KREMEN1: variants seen among roughly 807,000 people sequenced by gnomAD.
The protein encoded by KREMEN1 is kremen protein 1.
In KREMEN1, 30 loss-of-function variants were observed where a neutral mutation model predicts 46.5. The ratio of observed to expected loss-of-function variants is 0.65; its 90% CI spans 0.48 to 0.88. KREMEN1 has a LOEUF of 0.88. Ranked by LOEUF, KREMEN1 falls within the 40% of genes least tolerant of loss-of-function variation. The pLI is 0.00. For missense variants in KREMEN1, 533 were observed against 596.9 expected, an observed-to-expected ratio of 0.89 and a Z score of 1.11; for synonymous variants, 214 against 230.6, an observed-to-expected ratio of 0.93 and a Z score of 0.65.
intron 9 of KREMEN1, among the ~76,000 whole-genome samples, chr22:29,160,696 C>G (rs905181988): frequency 2.0e-5 from 3 of 151,904 alleles, no homozygotes; most frequent in Non-Finnish European, 4.4e-5. Flanking sequence ...AACAGAGATA[C>G]AAAATACCAA....
chr22:29,133,225 G>A (rs1274273696), intron 5 of KREMEN1, among the ~76,000 whole-genome samples: 2 of 137,550 alleles, frequency 1.5e-5, no homozygotes, highest in East Asian at 4.2e-4. Context: ...TCCAGCCTGG[G>A]CAACAGAGCG....
In KREMEN1 at chr22:29,166,990, C is replaced by T. The variant is rs941480959; in HGVS notation, c.1417-54C>T. On this transcript the variant is annotated intron_variant, in intron 9 of 9. Transcript: ENST00000327813. ...AATGCTTCTAACTGTTCTCTCCCTC[C>T]GTGCCTAGGGCTGTACTTTCAGACA... The T allele has an allele frequency of 3.5e-5, 48 of 1,361,294 alleles. 1 individual carries two copies. Among genetic ancestry groups the T allele is most frequent in the Admixed American group, 2.4e-4 (12 of 50,672 alleles). The allele number at this position is 1,361,294 out of a possible 1,614,324, so 84.3% of individuals were successfully genotyped here. A position where few individuals can be genotyped will look rare whatever the true frequency, so the allele number is the denominator to read the frequency against.
At chr22:29,105,017 A>T (rs550190925) in intron 3 of KREMEN1, among the ~76,000 whole-genome samples, 5 of 152,248 alleles carry the variant, frequency 3.3e-5, no homozygotes, top group Non-Finnish European at 7.3e-5. Flanking sequence ...GGACACAAGG[A>T]TAGTATGTTC....
intron 1 of KREMEN1, among the ~76,000 whole-genome samples, chr22:29,087,372 C>A (rs1376590910): frequency 1.3e-5 from 2 of 151,974 alleles, no homozygotes; most frequent in African/African-American, 4.8e-5. Flanking sequence ...AGAGATCTAA[C>A]TAGTAATTCT....
chr22:29,093,304 G>A (rs757727805), intron 1 of KREMEN1, among the ~76,000 whole-genome samples: 1 of 152,204 alleles, frequency 6.6e-6, no homozygotes, highest in Non-Finnish European at 1.5e-5. Flanking sequence ...GAATGCTAGT[G>A]TAACTCCCCC....
chr22:29,106,442 G>A (rs950778366), intron 3 of KREMEN1, among the ~76,000 whole-genome samples: 9 of 151,622 alleles, frequency 5.9e-5, no homozygotes, highest in Admixed American at 2.0e-4. Context: ...TGTTAGCCAG[G>A]ATGGTCTCAA....
chr22:29,101,111 G>T (rs1202859154), intron 3 of KREMEN1, among the ~76,000 whole-genome samples: 4 of 151,946 alleles, frequency 2.6e-5, no homozygotes, highest in African/African-American at 7.3e-5. Context: ...AATTAGCCAG[G>T]TTTGGTGGCA....
At chr22:29,138,455 G>A (rs1379061354) in intron 6 of KREMEN1, among the ~76,000 whole-genome samples, 169 bp from the exon 7 acceptor site, 2 of 152,234 alleles carry the variant, frequency 1.3e-5, no homozygotes, top group East Asian at 1.9e-4. Context: ...TCTAAAGGGT[G>A]ACAGCCTGAC....
At chr22:29,156,805 G>T (rs2038966425) in intron 9 of KREMEN1, among the ~76,000 whole-genome samples, 1 of 152,152 alleles carries the variant, frequency 6.6e-6, no homozygotes, top group South Asian at 2.1e-4. Context: ...AACACCCTCG[G>T]ACCAGGCTCC....
chr22:29,146,408 C>T lies in KREMEN1; in HGVS notation c.*4296C>T, dbSNP rs897664560. 7 of 985,630 alleles carry T rather than the reference C, an allele frequency of 7.1e-6. No homozygotes were observed. The South Asian group carries it at 1.4e-4, about 20-fold the overall frequency. 61.1% of individuals were successfully genotyped at this position (985,630 alleles called of 1,614,324 possible). A position where few individuals can be genotyped will look rare whatever the true frequency, so the allele number is the denominator to read the frequency against. The stretch of plus-strand genomic sequence containing the variant: ...GGCTTCCGTCTTGCTGAGTTGGGTA[C>T]GGAGGCAGAAGTGGGGTGTGGAGGA... On this transcript the variant is annotated 3_prime_UTR_variant, in exon 9 of 9. Transcript: ENST00000400335.
chr22:29,122,316 T>C (rs939892002), intron 4 of KREMEN1, among the ~76,000 whole-genome samples: 2 of 152,180 alleles, frequency 1.3e-5, no homozygotes, highest in Non-Finnish European at 2.9e-5. Context: ...ATACTAAGAA[T>C]TGATAAGGAT....
chr22:29,167,361 A>G, exon 10 of KREMEN1: 1 of 503,516 alleles, frequency 2.0e-6, no homozygotes, highest in Non-Finnish European at 3.6e-6. Flanking sequence ...CTCGTCTCTA[A>G]GAATAGAAAG....
At chr22:29,110,024 C>T (rs2038120433) in intron 3 of KREMEN1, among the ~76,000 whole-genome samples, 1 of 152,208 alleles carries the variant, frequency 6.6e-6, no homozygotes, top group African/African-American at 2.4e-5. Context: ...CTTGGACTGA[C>T]CTTTTACCAA....
chr22:29,153,789 T>A (rs1398472928), intron 9 of KREMEN1, among the ~76,000 whole-genome samples: 1 of 152,054 alleles, frequency 6.6e-6, no homozygotes, highest in Non-Finnish European at 1.5e-5. Flanking sequence ...GAGACCAGCC[T>A]GGCCAACATG....
Position 29,143,235 on chromosome 22 carries a change from G to A in KREMEN1, c.*1123G>A. The A allele has an allele frequency of 1.0e-6, 1 of 985,436 alleles. No homozygotes were observed. 61.0% of individuals were successfully genotyped at this position (985,436 alleles called of 1,614,324 possible). ...TCCTGCAAGCTTTTATGGGCACTCA[G>A]TAAGTACTCAGGATTGGCTTTATCA... On this transcript the variant is annotated 3_prime_UTR_variant, in exon 9 of 9. Coordinates refer to ENST00000400335, the MANE Select transcript of KREMEN1 (RefSeq NM_001039570.3).
At chr22:29,126,976 T>A (rs2038455020) in intron 5 of KREMEN1, among the ~76,000 whole-genome samples, 1 of 152,350 alleles carries the variant, frequency 6.6e-6, no homozygotes, top group East Asian at 1.9e-4. Context: ...CCACTGCACA[T>A]CTATTTAACC....
chr22:29,085,514 C>T (rs377021207), intron 1 of KREMEN1, among the ~76,000 whole-genome samples: 64 of 152,214 alleles, frequency 4.2e-4, no homozygotes, highest in Middle Eastern at 3.4e-3. Context: ...AGTCAATGTT[C>T]AGATGTTCCT....
intron 9 of KREMEN1, among the ~76,000 whole-genome samples, chr22:29,153,643 GC>G (rs2038935674): frequency 6.6e-6 from 1 of 152,020 alleles, no homozygotes; most frequent in South Asian, 2.1e-4. Flanking sequence ...ACAGGCACCA[GC>G]CACCATGCCT....
chr22:29,099,262 G>A, intron 3 of KREMEN1: 1 of 262,352 alleles, frequency 3.8e-6, no homozygotes, highest in Non-Finnish European at 7.3e-6. Context: ...AGCAGCCTAG[G>A]GGAGAAAAAT....
Sources: allele counts gnomAD v4.1 joint callset (sites outside exome capture counted in the v4.1 genomes callset), GRCh38; gene constraint gnomAD v4.1.1; transcripts MANE v1.5; gene names NCBI Gene and HGNC (gene_info 2026-07-23, HGNC 2026-07-21).